The following KIF16B variants were observed in gnomAD, a reference collection of about 807,000 sequenced individuals.
The protein encoded by KIF16B is kinesin family member 16B.
A neutral mutation model predicts 156.3 loss-of-function variants in KIF16B; 98 were observed. The observed-to-expected ratio is 0.63, with a 90% confidence interval of 0.53 to 0.74. The LOEUF is 0.74. KIF16B is among the 30% of genes least tolerant of loss of function. KIF16B has a pLI of 0.00. For synonymous variants in KIF16B, 564 were observed against 583.7 expected (o/e 0.97, Z 0.49); for missense variants, 1,421 against 1,606.5 (o/e 0.88, Z 1.97).
intron 1 of KIF16B, among the ~76,000 whole-genome samples, chr20:16,535,578 G>GA (rs539052007): frequency 4.6e-5 from 7 of 151,922 alleles, no homozygotes; most frequent in African/African-American, 1.2e-4. Flanking sequence ...AGTTCTAAGA[G>GA]AAAAAAAATT....
intron 25 of KIF16B, among the ~76,000 whole-genome samples, chr20:16,286,203 T>C (rs1488790299): frequency 2.0e-5 from 3 of 152,218 alleles, no homozygotes; most frequent in African/African-American, 7.2e-5. Flanking sequence ...TTATTACAAA[T>C]AGCACTGTAA....
chr20:16,273,777 A>G (rs547033902), intron 25 of KIF16B, among the ~76,000 whole-genome samples: 1 of 152,336 alleles, frequency 6.6e-6, no homozygotes, highest in Admixed American at 6.5e-5. Flanking sequence ...CCACCTGGAA[A>G]GTGCTATCAT....
chr20:16,528,333 G>A (rs754188092), intron 2 of KIF16B, 38 bp downstream of exon 2: 2 of 1,507,488 alleles, frequency 1.3e-6, no homozygotes, highest in African/African-American at 2.7e-5. Flanking sequence ...GCAATCATGG[G>A]GCTCTTGGAA....
chr20:16,388,403 T>A (rs1055947143), intron 17 of KIF16B, among the ~76,000 whole-genome samples: 1 of 152,192 alleles, frequency 6.6e-6, no homozygotes, highest in Non-Finnish European at 1.5e-5. Context: ...GGAGAGAACA[T>A]CAAGAATAAT....
intron 4 of KIF16B, among the ~76,000 whole-genome samples, chr20:16,514,566 T>C: frequency 8.6e-6 from 1 of 116,490 alleles, no homozygotes; most frequent in Non-Finnish European, 1.6e-5. Flanking sequence ...TGAACAGAGC[T>C]CTCACTAAGA....
rs2064731071 is a variant in KIF16B at position 16,368,381 on chromosome 20, G to A, written c.3498+2205C>T. ...CTGCCAACCCGAGCTTCCGGAGAAT[G>A]AGATTCTGTTGACTGCATGTCAGTC... On this transcript the variant is annotated intron_variant, in intron 22 of 25. Transcript: ENST00000354981. 3.0e-6 allele frequency: 3 copies of A among 989,390 alleles called. No homozygotes were observed. The South Asian group carries it at 1.4e-4, about 46-fold the overall frequency. The allele number at this position is 989,390 out of a possible 1,614,324, so 61.3% of individuals were successfully genotyped here.
chr20:16,507,961 A>G lies in KIF16B; in HGVS notation c.696T>C (p.Thr232=), dbSNP rs1177812249. 1.2e-6 allele frequency: 2 copies of G among 1,614,092 alleles called. No homozygotes were observed. Among genetic ancestry groups the G allele is most frequent in the Admixed American group, 3.3e-5 (2 of 60,024 alleles). ...CTGGTCCCGCAGCAGCCCTTACCTGAGTGAACTTGATGGTGAAGATGGCAT... is the reference window on the plus strand; with the variant it reads ...CTGGTCCCGCAGCAGCCCTTACCTGGGTGAACTTGATGGTGAAGATGGCAT... ...RSHAIFTIKF[T]QAKFDSEMPC... The change falls in exon 7 of 26, where the codon ACT becomes ACC. Residue 232 remains threonine (T), a synonymous_variant. Coordinates refer to ENST00000354981, the MANE Select transcript of KIF16B (RefSeq NM_024704.5).
intron 24 of KIF16B, among the ~76,000 whole-genome samples, chr20:16,323,441 A>T (rs1324849235): frequency 6.6e-6 from 1 of 152,016 alleles, no homozygotes; most frequent in Non-Finnish European, 1.5e-5. Context: ...AGATGGAAGC[A>T]TTTCTGACTA....
intron 12 of KIF16B, among the ~76,000 whole-genome samples, chr20:16,447,960 A>G (rs1221328356): frequency 2.6e-5 from 4 of 152,148 alleles, no homozygotes; most frequent in Non-Finnish European, 2.9e-5. Flanking sequence ...TTAATAACAA[A>G]ACAAAACATG....
chr20:16,299,916 A>G (rs1274394290), intron 25 of KIF16B, among the ~76,000 whole-genome samples: 1 of 152,210 alleles, frequency 6.6e-6, no homozygotes, highest in African/African-American at 2.4e-5. Flanking sequence ...TAGGTCACTT[A>G]GAATATCGCA....
intron 22 of KIF16B, chr20:16,368,159 CT>C: frequency 9.0e-7 from 1 of 1,106,862 alleles, no homozygotes; most frequent in Non-Finnish European, 1.1e-6. Flanking sequence ...AAAGGGCACT[CT>C]TGCAGTTTCA....
rs887914689 is a variant in KIF16B, at chr20:16,272,282, AT to A, written c.*970del. 2.0e-5 allele frequency: 3 copies of A among 152,520 alleles called. No individual in the cohort carries two copies. Among genetic ancestry groups the A allele is most frequent in the African/African-American group, 7.2e-5 (3 of 41,414 alleles). 9.4% of individuals were successfully genotyped at this position (152,520 alleles called of 1,614,324 possible). A position where few individuals can be genotyped will look rare whatever the true frequency, so the allele number is the denominator to read the frequency against. ...ACATTTGAGTATATACCACATACATATTTTTTCCACTCACATTTTTCTCTTT... is the reference window on the plus strand; with the variant it reads ...ACATTTGAGTATATACCACATACATATTTTTCCACTCACATTTTTCTCTTT... On this transcript the variant is annotated 3_prime_UTR_variant, in exon 26 of 26. Coordinates refer to ENST00000354981, the MANE Select transcript of KIF16B (RefSeq NM_024704.5).
At chr20:16,497,961 G>A (rs1440289693) in intron 10 of KIF16B, among the ~76,000 whole-genome samples, 1 of 151,586 alleles carries the variant, frequency 6.6e-6, no homozygotes, top group Non-Finnish European at 1.5e-5. Context: ...ATCAAACACA[G>A]TCTAAATCCC....
At chr20:16,469,115 G>A (rs1456391458) in intron 12 of KIF16B, among the ~76,000 whole-genome samples, 1 of 151,952 alleles carries the variant, frequency 6.6e-6, no homozygotes, top group Non-Finnish European at 1.5e-5. Flanking sequence ...AACTGGGTGT[G>A]GTGGTGCATG....
At chr20:16,369,293 A>C in intron 22 of KIF16B, 1 of 985,762 alleles carries the variant, frequency 1.0e-6, no homozygotes, top group Non-Finnish European at 1.2e-6. Context: ...AAAAAGTTGA[A>C]ATGGGGATGT....
chr20:16,568,852 A>AT (rs778489976), intron 1 of KIF16B, among the ~76,000 whole-genome samples: 2 of 118,044 alleles, frequency 1.7e-5, no homozygotes, highest in Non-Finnish European at 1.7e-5. Flanking sequence ...AAAAAAAAAA[A>AT]GGCATAGCTG....
In KIF16B at chr20:16,379,305, C is replaced by T. The variant is rs1568911096; in HGVS notation, c.2697G>A (p.Glu899=). The change falls in exon 19 of 26, where the codon GAG becomes GAA. Residue 899 remains glutamate, a synonymous_variant. Transcript: ENST00000354981. ...PQDFEKIKPV[E]YRLQYKERQL... is the part of the protein sequence containing the mutation. The stretch of plus-strand genomic sequence containing the variant: ...GGCGTTCTTTATATTGCAGCCTGTA[C>T]TCCACTGGCTTTATTTTCTCGAAAT... 1 of 1,609,414 alleles carries T rather than the reference C, an allele frequency of 6.2e-7. No homozygotes were observed. The highest frequency in any genetic ancestry group is 8.5e-7 in the Non-Finnish European group (1 of 1,178,432).
chr20:16,560,673 G>C (rs538380152), intron 1 of KIF16B, among the ~76,000 whole-genome samples: 1 of 152,082 alleles, frequency 6.6e-6, no homozygotes, highest in African/African-American at 2.4e-5. Flanking sequence ...CAGCTACTTG[G>C]GGGGCTGAGG....
At chr20:16,471,046 T>C (rs2067648839) in intron 12 of KIF16B, among the ~76,000 whole-genome samples, 1 of 152,034 alleles carries the variant, frequency 6.6e-6, no homozygotes, top group South Asian at 2.1e-4. Context: ...GGAAGAGACA[T>C]TGGGCAAAAA....
Sources: allele counts gnomAD v4.1 joint callset (sites outside exome capture counted in the v4.1 genomes callset), GRCh38; gene constraint gnomAD v4.1.1; transcripts MANE v1.5; gene names NCBI Gene and HGNC (gene_info 2026-07-23, HGNC 2026-07-21).